Variants in CADM2 observed in about 807,000 individuals in gnomAD.
CADM2 encodes immunoglobulin superfamily member 4D.
Under a neutral mutation model 49.8 loss-of-function variants are expected in CADM2, and 12 were observed. The ratio of observed to expected loss-of-function variants is 0.24; its 90% CI spans 0.15 to 0.39. CADM2 has a LOEUF of 0.39. Among genes scored for constraint, CADM2 ranks in the 10% least tolerant of loss-of-function variants. The pLI is 1.00. For synonymous variants in CADM2, 214 were observed against 175.4 expected (o/e 1.22, Z -1.74); for missense variants, 378 against 492.3 (o/e 0.77, Z 2.20).
chr3:85,521,163 T>A (rs1450049575), intron 1 of CADM2, among the ~76,000 whole-genome samples: 1 of 152,138 alleles, frequency 6.6e-6, no homozygotes, highest in Non-Finnish European at 1.5e-5. Context: ...TCCTCAAAAA[T>A]GAAACTCTAG....
intron 8 of CADM2, among the ~76,000 whole-genome samples, chr3:85,962,818 A>G (rs755926149): frequency 6.6e-6 from 1 of 151,986 alleles, no homozygotes; most frequent in African/African-American, 2.4e-5. Context: ...ATAATATTAC[A>G]GTATACTAAA....
In CADM2 at chr3:85,761,597, A is replaced by C. The variant is rs370356720; in HGVS notation, c.88+35049A>C. Among the ~76,000 whole-genome samples, 375 of 151,874 alleles carry C rather than the reference A, an allele frequency of 2.5e-3. 1 individual carries two copies. Among genetic ancestry groups the C allele is most frequent in the African/African-American group, 8.8e-3 (364 of 41,432 alleles). On this transcript the variant is annotated intron_variant, in intron 2 of 9. Transcript: ENST00000383699. ...TCACCATGTTGGCCAGGATGGTCTC[A>C]ATCTCTTGACCTCGTGATCCACCCA...
At chr3:85,811,087 A>G (rs954426948) in intron 3 of CADM2, among the ~76,000 whole-genome samples, 2 of 152,232 alleles carry the variant, frequency 1.3e-5, no homozygotes, top group Non-Finnish European at 2.9e-5. Flanking sequence ...ATTCAAAGCA[A>G]CATATGCATG....
intron 3 of CADM2, among the ~76,000 whole-genome samples, chr3:85,834,134 G>A (rs1191639630): frequency 1.3e-5 from 2 of 151,466 alleles, no homozygotes; most frequent in Non-Finnish European, 3.0e-5. Context: ...GATTGTCAAA[G>A]GTCTCTTAAC....
intron 5 of CADM2, among the ~76,000 whole-genome samples, chr3:85,893,384 A>AT (rs1371239935): frequency 6.6e-6 from 1 of 152,374 alleles, no homozygotes; most frequent in East Asian, 1.9e-4. Flanking sequence ...ACCTAAAACC[A>AT]TAAAAACCCT....
rs540508454 is a variant in CADM2 at position 85,923,382 on chromosome 3, T to C, written c.700+10839T>C. 2.7e-4 allele frequency among the ~76,000 whole-genome samples: 41 copies of C among 152,236 alleles called. 1 individual carries two copies. In the South Asian group the frequency reaches 8.3e-3, roughly 31 times the overall value. On this transcript the variant is annotated intron_variant, in intron 6 of 9. Transcript: ENST00000383699. ...GAGTATCAAAAGTGAAAACTTGTTT[T>C]ACTGTCATTTTAAGAGGCTTGAGCT...
intron 1 of CADM2, among the ~76,000 whole-genome samples, chr3:85,502,141 T>C (rs374283734): frequency 1.3e-5 from 2 of 152,236 alleles, no homozygotes; most frequent in South Asian, 2.1e-4. Context: ...AGTAAGTAAT[T>C]GAGTAGATGA....
At chr3:85,978,023 C>G (rs1358910853) in intron 8 of CADM2, among the ~76,000 whole-genome samples, 1 of 151,538 alleles carries the variant, frequency 6.6e-6, no homozygotes, top group Non-Finnish European at 1.5e-5. Context: ...CCTTTTAATA[C>G]AAAATAATCT....
At chr3:85,029,854 A>AT (rs2034901301) in intron 1 of CADM2, among the ~76,000 whole-genome samples, 1 of 152,228 alleles carries the variant, frequency 6.6e-6, no homozygotes, top group Non-Finnish European at 1.5e-5. Flanking sequence ...AAGACTTTCA[A>AT]TAGGACATTT....
intron 1 of CADM2, among the ~76,000 whole-genome samples, chr3:85,487,019 G>T (rs957106461): frequency 6.6e-6 from 1 of 151,844 alleles, no homozygotes; most frequent in Admixed American, 6.6e-5. Context: ...GAAATTTTCT[G>T]GTTTCAGAGT....
chr3:85,092,335 A>G (rs1350399988), intron 1 of CADM2, among the ~76,000 whole-genome samples: 1 of 152,200 alleles, frequency 6.6e-6, no homozygotes, highest in Non-Finnish European at 1.5e-5. Flanking sequence ...GCAGACTTAT[A>G]TAATTCACTG....
At chr3:85,889,464 G>T (rs1257163016) in intron 5 of CADM2, among the ~76,000 whole-genome samples, 12 of 152,152 alleles carry the variant, frequency 7.9e-5, no homozygotes. Flanking sequence ...TTGCCATTGT[G>T]TTAAATGTGT....
At chr3:85,652,188 C>T (rs1295199496) in intron 1 of CADM2, among the ~76,000 whole-genome samples, 3 of 152,014 alleles carry the variant, frequency 2.0e-5, no homozygotes, top group East Asian at 1.9e-4. Flanking sequence ...ATCTTGAGAG[C>T]CAAGAGAGGC....
At chr3:85,910,812 C>T (rs1381659007) in intron 5 of CADM2, among the ~76,000 whole-genome samples, 1 of 151,986 alleles carries the variant, frequency 6.6e-6, no homozygotes, top group Non-Finnish European at 1.5e-5. Context: ...AGACATATCA[C>T]ATCTATCATT....
At chr3:85,041,843 G>A (rs567758073) in intron 1 of CADM2, among the ~76,000 whole-genome samples, 1 of 152,244 alleles carries the variant, frequency 6.6e-6, no homozygotes, top group South Asian at 2.1e-4. Context: ...AGGTCCATAA[G>A]CTAATTGTAG....
chr3:85,498,832 T>C (rs148925653), intron 1 of CADM2, among the ~76,000 whole-genome samples: 219 of 152,256 alleles, frequency 1.4e-3, no homozygotes, highest in African/African-American at 4.8e-3. Flanking sequence ...ATGGTGACTT[T>C]GTAATACAAA....
intron 1 of CADM2, among the ~76,000 whole-genome samples, chr3:85,135,280 G>C (rs1545926): frequency 6.6e-6 from 1 of 151,600 alleles, no homozygotes; most frequent in African/African-American, 2.4e-5. Context: ...CACTGGTAAT[G>C]TAAACCTTTG....
chr3:85,140,554 A>G (rs910792587), intron 1 of CADM2, among the ~76,000 whole-genome samples: 3 of 152,196 alleles, frequency 2.0e-5, no homozygotes, highest in Non-Finnish European at 4.4e-5. Context: ...ATCTATTAAC[A>G]TGCCTGGAAA....
At chr3:85,712,315 A>G (rs1273505625) in intron 1 of CADM2, among the ~76,000 whole-genome samples, 3 of 152,180 alleles carry the variant, frequency 2.0e-5, no homozygotes, top group African/African-American at 7.2e-5. Flanking sequence ...TTGCTTCCAC[A>G]TGTGAAATAC....
Sources: allele counts gnomAD v4.1 joint callset (sites outside exome capture counted in the v4.1 genomes callset), GRCh38; gene constraint gnomAD v4.1.1; transcripts MANE v1.5; gene names NCBI Gene and HGNC (gene_info 2026-07-23, HGNC 2026-07-21).